Variants in LTBP1 observed in about 807,000 individuals in gnomAD.
LTBP1 encodes latent-transforming growth factor beta-binding protein 1.
LTBP1 carries 129 observed loss-of-function variants against 207.6 expected under a neutral mutation model. That is an observed-to-expected ratio of 0.62 (90% CI 0.54 to 0.72). The LOEUF is 0.72. Among genes scored for constraint, LTBP1 ranks in the 30% least tolerant of loss-of-function variants. The pLI, the probability that LTBP1 is intolerant of heterozygous loss-of-function variation, is 0.00. For synonymous variants in LTBP1, 963 were observed against 833.7 expected (o/e 1.16, Z -2.67); for missense variants, 2,281 against 2,217.2 (o/e 1.03, Z -0.58).
At chr2:33,060,788 G>A (rs970925149) in intron 3 of LTBP1, among the ~76,000 whole-genome samples, 2 of 151,874 alleles carry the variant, frequency 1.3e-5, no homozygotes, top group African/African-American at 4.8e-5. Flanking sequence ...AGGGCCACTG[G>A]TTTTCAAACA....
At chr2:33,254,871 TTTTTTTTTTTTTG>T (rs2092802056) in intron 11 of LTBP1, among the ~76,000 whole-genome samples, 1 of 120,032 alleles carries the variant, frequency 8.3e-6, no homozygotes, top group Non-Finnish European at 1.7e-5. Flanking sequence ...TTTTTTTTTT[TTTTTTTTTTTTTG>T]TATTTTCTAT....
At chr2:33,195,536 A>T (rs1418174689) in intron 7 of LTBP1, among the ~76,000 whole-genome samples, 1 of 152,212 alleles carries the variant, frequency 6.6e-6, no homozygotes, top group Non-Finnish European at 1.5e-5. Flanking sequence ...TGAAGATATG[A>T]CCAAACTGCT....
intron 2 of LTBP1, among the ~76,000 whole-genome samples, chr2:32,970,436 T>C (rs1680680193): frequency 6.6e-6 from 1 of 152,160 alleles, no homozygotes; most frequent in South Asian, 2.1e-4. Flanking sequence ...TTTTTTTGTA[T>C]ATGGTGTAAG....
At chr2:33,396,485 G>T (rs1193679097) in intron 32 of LTBP1, among the ~76,000 whole-genome samples, 1 of 152,218 alleles carries the variant, frequency 6.6e-6, no homozygotes, top group African/African-American at 2.4e-5. Flanking sequence ...GCCTCCCAAA[G>T]TGCTGGGATT....
At chr2:33,034,094 G>A (rs1388209075) in intron 3 of LTBP1, among the ~76,000 whole-genome samples, 1 of 151,984 alleles carries the variant, frequency 6.6e-6, no homozygotes, top group East Asian at 1.9e-4. Context: ...TCTCTCAGAT[G>A]GCATTTTCTT....
intron 24 of LTBP1, among the ~76,000 whole-genome samples, chr2:33,324,349 C>A (rs1165453125): frequency 1.3e-5 from 2 of 151,278 alleles, no homozygotes; most frequent in African/African-American, 4.9e-5. Flanking sequence ...TCTTACTGTG[C>A]CTAATTTATA....
In LTBP1 at chr2:33,341,729, A is replaced by ATATAT. The variant is rs1553509296; in HGVS notation, c.3731-1109_3731-1108insTATAT. 8.3e-4 allele frequency among the ~76,000 whole-genome samples: 78 copies of ATATAT among 93,612 alleles called. 2 individuals are homozygous for ATATAT. Among genetic ancestry groups the ATATAT allele is most frequent in the African/African-American group, 2.4e-3 (48 of 19,630 alleles). 61.4% of individuals were successfully genotyped at this position (93,612 alleles called of 152,430 possible). ...CCGTCTCACTCAAAAAAAAAAAAAA[A>ATATAT]ATATATATATATATATGTATATTTA... On this transcript the variant is annotated intron_variant, in intron 24 of 33. Transcript: ENST00000404816.
intron 3 of LTBP1, among the ~76,000 whole-genome samples, chr2:33,095,585 A>T (rs1017843565): frequency 6.6e-6 from 1 of 152,140 alleles, no homozygotes; most frequent in Non-Finnish European, 1.5e-5. Flanking sequence ...AGGAAATTTG[A>T]CTCATAGAGA....
intron 2 of LTBP1, among the ~76,000 whole-genome samples, chr2:32,954,160 G>A (rs975795840): frequency 5.9e-5 from 9 of 152,156 alleles, no homozygotes; most frequent in African/African-American, 1.9e-4. Flanking sequence ...GACATCCAGT[G>A]CTGTGACATT....
At chr2:33,107,688 A>G (rs1486064680) in intron 3 of LTBP1, among the ~76,000 whole-genome samples, 2 of 152,196 alleles carry the variant, frequency 1.3e-5, no homozygotes, top group Non-Finnish European at 2.9e-5. Context: ...TAACAGCTAG[A>G]TATGAACCCT....
chr2:33,333,881 G>A (rs77859024), intron 24 of LTBP1, among the ~76,000 whole-genome samples: 3,829 of 152,076 alleles, frequency 0.025, 59 homozygotes, highest in Middle Eastern at 0.096. Flanking sequence ...AAAAAAGAAG[G>A]TCTAGGACTA....
intron 2 of LTBP1, among the ~76,000 whole-genome samples, chr2:32,981,838 C>T (rs1000110071): frequency 7.9e-5 from 12 of 152,144 alleles, no homozygotes; most frequent in African/African-American, 2.2e-4. Context: ...CCATGTAAGA[C>T]GTGCTTTTGC....
intron 31 of LTBP1, among the ~76,000 whole-genome samples, chr2:33,388,177 G>A (rs1186461423): frequency 6.6e-6 from 1 of 152,178 alleles, no homozygotes; most frequent in Non-Finnish European, 1.5e-5. Context: ...GACAAATGGA[G>A]AACCAAAATC....
intron 5 of LTBP1, among the ~76,000 whole-genome samples, chr2:33,178,127 TA>T (rs1371557435): frequency 7.2e-5 from 11 of 152,338 alleles, no homozygotes; most frequent in African/African-American, 2.4e-4. Context: ...TGAAGTCTTT[TA>T]AGATTGTTGC....
At chr2:33,198,043 T>TA (rs1209829408) in intron 7 of LTBP1, among the ~76,000 whole-genome samples, 1 of 152,182 alleles carries the variant, frequency 6.6e-6, no homozygotes, top group African/African-American at 2.4e-5. Context: ...CTAACACAGA[T>TA]AAAGATGATC....
chr2:32,995,750 C>T (rs1269191508), intron 2 of LTBP1, among the ~76,000 whole-genome samples: 1 of 152,040 alleles, frequency 6.6e-6, no homozygotes, highest in African/African-American at 2.4e-5. Flanking sequence ...GATTGCGCCA[C>T]TGCACTCCAG....
At chr2:33,110,186 G>A (rs896977238) in intron 3 of LTBP1, among the ~76,000 whole-genome samples, 1 of 152,136 alleles carries the variant, frequency 6.6e-6, no homozygotes, top group African/African-American at 2.4e-5. Flanking sequence ...AAACTCCTGG[G>A]CTCAAGCGAT....
At chr2:33,376,622 C>A (rs767769928) in intron 31 of LTBP1, among the ~76,000 whole-genome samples, 1 of 152,164 alleles carries the variant, frequency 6.6e-6, no homozygotes, top group African/African-American at 2.4e-5. Flanking sequence ...TTTTTATAAT[C>A]AGTATCTTCC....
At chr2:33,111,804 T>A (rs1410804819) in intron 4 of LTBP1, among the ~76,000 whole-genome samples, 2 of 152,104 alleles carry the variant, frequency 1.3e-5, no homozygotes, top group Non-Finnish European at 2.9e-5. Flanking sequence ...TTGGTATGGT[T>A]TATTGGGATG....
Sources: gnomAD v4.1 joint callset for allele counts (sites outside exome capture counted in the v4.1 genomes callset) on GRCh38, gnomAD v4.1.1 for gene constraint, MANE v1.5 for transcripts, NCBI Gene and HGNC (gene_info 2026-07-23, HGNC 2026-07-21) for gene names.